The following DDR2 variants were observed in gnomAD, a reference collection of about 807,000 sequenced individuals.
DDR2 encodes discoidin domain-containing receptor 2.
A neutral mutation model predicts 94.9 loss-of-function variants in DDR2; 27 were observed. The ratio of observed to expected loss-of-function variants is 0.28; its 90% confidence interval spans 0.21 to 0.39. The LOEUF (loss-of-function observed/expected upper bound fraction) is 0.39, where lower values mean the gene tolerates loss of function less well. DDR2 is among the 10% of genes least tolerant of loss of function. The probability of loss-of-function intolerance (pLI) is 1.00; values close to 1 mark genes in which losing one functional copy is unlikely to be tolerated. For missense variants in DDR2, 783 were observed against 1,076.0 expected, an observed-to-expected ratio of 0.73 and a Z score of 3.81; for synonymous variants, 382 against 377.2, an observed-to-expected ratio of 1.01 and a Z score of -0.15.
At chr1:162,752,015 A>T (rs2102124463) in intron 3 of DDR2, among the ~76,000 whole-genome samples, 1 of 152,208 alleles carries the variant, frequency 6.6e-6, no homozygotes, top group African/African-American at 2.4e-5. Flanking sequence ...GGGACGGGGG[A>T]GGAATGGCAT....
rs1331029772 is a variant in DDR2 at position 162,753,096 on chromosome 1, T to C, written c.84T>C (p.Ala28=). 6.2e-7 allele frequency: 1 copy of C among 1,613,220 alleles called. No homozygotes were observed. The highest frequency in any genetic ancestry group is 2.2e-5 in the East Asian group (1 of 44,844). The part of the protein sequence containing the change: ...LSSAKAQVNP[A]ICRYPLGMSG... ...TCTCTTTGGTTTCTCTTGGTCTAGCTATATGCCGCTATCCTCTGGGCATGT... is the reference window on the plus strand; with the variant it reads ...TCTCTTTGGTTTCTCTTGGTCTAGCCATATGCCGCTATCCTCTGGGCATGT... The change falls in exon 4 of 18, where the codon GCT becomes GCC. Residue 28 remains alanine, a splice_region_variant and synonymous_variant. Coordinates refer to ENST00000367921, the MANE Select transcript of DDR2 (RefSeq NM_006182.4).
chr1:162,668,029 G>A (rs1276167688), intron 2 of DDR2, among the ~76,000 whole-genome samples: 5 of 152,184 alleles, frequency 3.3e-5, no homozygotes, highest in Non-Finnish European at 5.9e-5. Flanking sequence ...GGGGGAGTGG[G>A]GGAAGAATTT....
chr1:162,745,973 T>C (rs1187874404), intron 3 of DDR2, among the ~76,000 whole-genome samples: 1 of 152,224 alleles, frequency 6.6e-6, no homozygotes, highest in African/African-American at 2.4e-5. Context: ...TAATTTTTTA[T>C]AGTATGGGAC....
intron 2 of DDR2, among the ~76,000 whole-genome samples, chr1:162,674,242 A>C (rs1255532757): frequency 6.6e-6 from 1 of 152,208 alleles, no homozygotes; most frequent in Non-Finnish European, 1.5e-5. Context: ...ATGAGCCATC[A>C]GCAAGGCTTG....
At chr1:162,653,398 G>A (rs1296423958) in intron 1 of DDR2, among the ~76,000 whole-genome samples, 1 of 152,016 alleles carries the variant, frequency 6.6e-6, no homozygotes, top group Non-Finnish European at 1.5e-5. Flanking sequence ...GCAACATGTC[G>A]AAACCCTGTC....
At chr1:162,679,278 T>G (rs945048726) in intron 2 of DDR2, among the ~76,000 whole-genome samples, 1 of 152,142 alleles carries the variant, frequency 6.6e-6, no homozygotes, top group Non-Finnish European at 1.5e-5. Flanking sequence ...CTCCTACTTG[T>G]AAGTGAGAAC....
chr1:162,641,047 G>C (rs1007264076), intron 1 of DDR2, among the ~76,000 whole-genome samples: 6 of 152,080 alleles, frequency 3.9e-5, no homozygotes, highest in African/African-American at 1.4e-4. Flanking sequence ...TGAGCCACTG[G>C]ACCCACCCTC....
chr1:162,655,455 C>A (rs1170469414), intron 2 of DDR2, 81 bp downstream of exon 2: 1 of 152,188 alleles, frequency 6.6e-6, no homozygotes. Flanking sequence ...CCCCACTTAT[C>A]CTGCCTGGTG....
At chr1:162,637,100 A>C (rs1381423326) in intron 1 of DDR2, among the ~76,000 whole-genome samples, 2 of 152,112 alleles carry the variant, frequency 1.3e-5, no homozygotes, top group Non-Finnish European at 2.9e-5. Context: ...CTCAGTAAGT[A>C]GTTATTGGAT....
chr1:162,758,019 T>C (rs922407651), intron 7 of DDR2, among the ~76,000 whole-genome samples: 2 of 152,082 alleles, frequency 1.3e-5, no homozygotes, highest in African/African-American at 4.8e-5. Context: ...AAGAGAAGTA[T>C]AATTTATGGA....
At chr1:162,647,400 G>T (rs1374339246) in intron 1 of DDR2, among the ~76,000 whole-genome samples, 3 of 150,710 alleles carry the variant, frequency 2.0e-5, no homozygotes, top group Non-Finnish European at 4.4e-5. Context: ...TACCGGCAAG[G>T]GGTCCCAATC....
At chr1:162,687,304 GC>G (rs921147515) in intron 2 of DDR2, among the ~76,000 whole-genome samples, 1 of 152,234 alleles carries the variant, frequency 6.6e-6, no homozygotes, top group Non-Finnish European at 1.5e-5. Context: ...CTGGTCTTAA[GC>G]CTAGGAATAA....
chr1:162,667,910 T>C (rs796178314), intron 2 of DDR2, among the ~76,000 whole-genome samples: 49 of 152,262 alleles, frequency 3.2e-4, no homozygotes, highest in African/African-American at 1.0e-3. Flanking sequence ...CAGTCAATTG[T>C]CAGAGTCACT....
rs147834218 is a variant in DDR2, at chr1:162,710,042, T to A, written c.-27-8995T>A. Among the ~76,000 whole-genome samples, 268 of 152,306 alleles carry A rather than the reference T, an allele frequency of 1.8e-3. 2 individuals carry two copies. The highest frequency in any genetic ancestry group is 6.3e-3 in the African/African-American group (262 of 41,554). On this transcript the variant is annotated intron_variant, in intron 2 of 17. Coordinates refer to ENST00000367921, the MANE Select transcript of DDR2 (RefSeq NM_006182.4). ...TAGGTGAATGAAGTAATGCAGTCAA[T>A]GTTCTGTGACTCCATTCTGCCCCTG...
intron 2 of DDR2, among the ~76,000 whole-genome samples, chr1:162,690,828 A>G (rs973902943): frequency 3.3e-5 from 5 of 152,228 alleles, no homozygotes; most frequent in Admixed American, 1.3e-4. Context: ...AGCCCTGGGC[A>G]TTCTTTCGGT....
chr1:162,701,178 G>A (rs1021070032), intron 2 of DDR2, among the ~76,000 whole-genome samples: 1 of 152,096 alleles, frequency 6.6e-6, no homozygotes, highest in African/African-American at 2.4e-5. Context: ...ACTATTAAGT[G>A]GTATTAAATA....
At chr1:162,660,618 G>C (rs141558013) in intron 2 of DDR2, among the ~76,000 whole-genome samples, 25 of 151,760 alleles carry the variant, frequency 1.6e-4, no homozygotes, top group African/African-American at 5.4e-4. Context: ...CTTAGGTAAT[G>C]ATCAAACAAC....
intron 3 of DDR2, among the ~76,000 whole-genome samples, chr1:162,749,864 A>G (rs1663088617): frequency 1.3e-5 from 2 of 152,226 alleles, no homozygotes; most frequent in South Asian, 4.1e-4. Context: ...ACATATGCAA[A>G]TCAATAAACC....
intron 2 of DDR2, among the ~76,000 whole-genome samples, chr1:162,674,539 C>A (rs915272418): frequency 3.9e-5 from 6 of 152,208 alleles, no homozygotes; most frequent in Admixed American, 2.6e-4. Flanking sequence ...GCAGGATTAA[C>A]CTGCTTTCAT....
Sources: gnomAD v4.1 joint callset for allele counts (sites outside exome capture counted in the v4.1 genomes callset) on GRCh38, gnomAD v4.1.1 for gene constraint, MANE v1.5 for transcripts, NCBI Gene and HGNC (gene_info 2026-07-23, HGNC 2026-07-21) for gene names.